Variants in SLC25A26 observed in about 807,000 individuals in gnomAD.
SLC25A26 encodes the protein mitochondrial S-adenosylmethionine carrier protein.
A neutral mutation model predicts 37.8 loss-of-function variants in SLC25A26; 36 were observed. The ratio of observed to expected loss-of-function variants is 0.95; its 90% CI spans 0.73 to 1.26. The LOEUF is 1.26. Among genes scored for constraint, SLC25A26 ranks in the 50% most tolerant of loss-of-function variants. The probability of loss-of-function intolerance (pLI) is 0.00; values close to 1 mark genes in which losing one functional copy is unlikely to be tolerated. For missense variants in SLC25A26, 390 were observed against 331.1 expected (o/e 1.18, Z -1.38); for synonymous variants, 129 against 122.5 (o/e 1.05, Z -0.35).
intron 7 of SLC25A26, among the ~76,000 whole-genome samples, chr3:66,365,977 C>A (rs1406980600): frequency 6.6e-6 from 1 of 152,160 alleles, no homozygotes; most frequent in Non-Finnish European, 1.5e-5. Flanking sequence ...ACAGCTCCAG[C>A]CTTATTGTAG....
chr3:66,353,417 C>T (rs1184986814), intron 6 of SLC25A26, among the ~76,000 whole-genome samples: 2 of 152,108 alleles, frequency 1.3e-5, no homozygotes, highest in Non-Finnish European at 2.9e-5. Context: ...AACGCCTTGC[C>T]CAAGGCCATG....
chr3:66,202,739 AC>A (rs1167425009), intron 1 of SLC25A26, among the ~76,000 whole-genome samples: 6 of 152,098 alleles, frequency 3.9e-5, no homozygotes, highest in East Asian at 3.9e-4. Context: ...TTTAAAAAAA[AC>A]ATTTTAAAAT....
chr3:66,299,162 A>G (rs189317774), intron 5 of SLC25A26, among the ~76,000 whole-genome samples: 1 of 152,272 alleles, frequency 6.6e-6, no homozygotes, highest in East Asian at 1.9e-4. Flanking sequence ...ATATGCACCC[A>G]TTTCCATGTA....
chr3:66,291,524 A>T (rs1322608906), intron 5 of SLC25A26, among the ~76,000 whole-genome samples: 1 of 152,172 alleles, frequency 6.6e-6, no homozygotes, highest in Non-Finnish European at 1.5e-5. Flanking sequence ...CATCAGTTTC[A>T]AAGAACTTAT....
chr3:66,363,038 G>C (rs1321917912), intron 7 of SLC25A26, 109 bp downstream of exon 7: 1 of 538,528 alleles, frequency 1.9e-6, no homozygotes, highest in African/African-American at 2.0e-5. Flanking sequence ...TTTAGATGAA[G>C]AGCGCTCCAC....
intron 1 of SLC25A26, among the ~76,000 whole-genome samples, chr3:66,203,411 A>T (rs2106817185): frequency 6.6e-6 from 1 of 152,276 alleles, no homozygotes; most frequent in African/African-American, 2.4e-5. Context: ...ACTTAAGCCC[A>T]ATTCAATTAA....
intron 5 of SLC25A26, among the ~76,000 whole-genome samples, chr3:66,317,268 T>C (rs1411319128): frequency 6.6e-6 from 1 of 152,250 alleles, no homozygotes; most frequent in Non-Finnish European, 1.5e-5. Flanking sequence ...TTGAGGCTGC[T>C]GACCTTTGGA....
intron 1 of SLC25A26, among the ~76,000 whole-genome samples, chr3:66,227,512 G>C (rs1576663162): frequency 6.6e-6 from 1 of 152,328 alleles, no homozygotes; most frequent in East Asian, 1.9e-4. Flanking sequence ...GACTGAACAA[G>C]TGGTGAAGTT....
intron 1 of SLC25A26, among the ~76,000 whole-genome samples, chr3:66,148,772 G>T (rs1424786195): frequency 6.6e-6 from 1 of 152,136 alleles, no homozygotes. Context: ...TGCCCAGGCT[G>T]GTCTCGAACT....
At chr3:66,266,121 C>T (rs867038159) in intron 5 of SLC25A26, among the ~76,000 whole-genome samples, 33 of 151,886 alleles carry the variant, frequency 2.2e-4, no homozygotes, top group African/African-American at 6.3e-4. Flanking sequence ...AAAATGGCAG[C>T]GTTTTGTTGG....
chr3:66,263,469 T>G (rs2073614509), intron 5 of SLC25A26, 90 bp downstream of exon 5: 1 of 800,504 alleles, frequency 1.2e-6, no homozygotes, highest in Non-Finnish European at 2.1e-6. Context: ...GAAATATATT[T>G]GGAGAAACTT....
At chr3:66,365,157 G>A (rs575825651) in intron 7 of SLC25A26, among the ~76,000 whole-genome samples, 51 of 152,222 alleles carry the variant, frequency 3.4e-4, no homozygotes, top group East Asian at 1.2e-3. Context: ...TAAAATACAC[G>A]CTGCACTTGC....
chr3:66,174,555 C>T (rs1398688809), intron 1 of SLC25A26, among the ~76,000 whole-genome samples: 3 of 151,992 alleles, frequency 2.0e-5, no homozygotes, highest in African/African-American at 7.2e-5. Context: ...CCGAGGTGGG[C>T]GGATCACGAG....
chr3:66,327,659 T>C (rs1262863418), intron 5 of SLC25A26, among the ~76,000 whole-genome samples: 2 of 152,112 alleles, frequency 1.3e-5, no homozygotes, highest in Admixed American at 6.5e-5. Context: ...TATTTTTTTG[T>C]TTATTAGTTG....
intron 3 of SLC25A26, among the ~76,000 whole-genome samples, chr3:66,245,362 G>C (rs1430103260): frequency 6.6e-6 from 1 of 151,226 alleles, no homozygotes; most frequent in Non-Finnish European, 1.5e-5. Flanking sequence ...TACCCCTTCT[G>C]CACAATGCTG....
intron 3 of SLC25A26, 129 bp downstream of exon 3, chr3:66,243,441 A>G: frequency 1.9e-6 from 1 of 535,774 alleles, no homozygotes; most frequent in Non-Finnish European, 3.3e-6. Flanking sequence ...AATAAATGTA[A>G]ATGGATTAAA....
intron 1 of SLC25A26, among the ~76,000 whole-genome samples, chr3:66,148,584 T>C (rs531830145): frequency 1.2e-4 from 18 of 152,222 alleles, no homozygotes; most frequent in African/African-American, 1.7e-4. Context: ...GGACAATGAA[T>C]GTGTTGGATA....
intron 5 of SLC25A26, among the ~76,000 whole-genome samples, chr3:66,273,267 A>T (rs938913087): frequency 6.6e-5 from 10 of 152,170 alleles, no homozygotes; most frequent in Non-Finnish European, 1.0e-4. Flanking sequence ...TTCTGGTTGT[A>T]TCTCTGCCTG....
In SLC25A26 at chr3:66,339,381, T is replaced by A. The variant is rs188011367; in HGVS notation, c.454-6983T>A. 1.4e-4 allele frequency among the ~76,000 whole-genome samples: 22 copies of A among 152,174 alleles called. No homozygotes were observed. The East Asian group carries it at 4.2e-3, about 29-fold the overall frequency. On this transcript the variant is annotated intron_variant, in intron 5 of 9. Coordinates refer to ENST00000354883, the MANE Select transcript of SLC25A26 (RefSeq NM_001379210.1). ...TCTGTGGCTTGCCTTTTTATTAGGT[T>A]TATACCTAGAAATGGAATTGCTGGA...
Sources: gnomAD v4.1 joint callset for allele counts (sites outside exome capture counted in the v4.1 genomes callset) on GRCh38, gnomAD v4.1.1 for gene constraint, MANE v1.5 for transcripts, NCBI Gene and HGNC (gene_info 2026-07-23, HGNC 2026-07-21) for gene names.